Variants in AKAP9 observed in about 807,000 individuals in gnomAD.
The protein encoded by AKAP9 is A-kinase anchoring protein 9.
Under a neutral mutation model 488.5 loss-of-function variants are expected in AKAP9, and 311 were observed. The observed-to-expected ratio is 0.64, with a 90% CI of 0.58 to 0.70. The LOEUF (loss-of-function observed/expected upper bound fraction) is 0.70, where lower values mean the gene tolerates loss of function less well. AKAP9 is among the 30% of genes least tolerant of loss of function. The pLI is 0.00. For missense variants in AKAP9, 4,215 were observed against 4,374.5 expected (o/e 0.96, Z 1.03); for synonymous variants, 1,462 against 1,483.5 (o/e 0.99, Z 0.33).
At chr7:91,992,252 C>G in intron 4 of AKAP9, 41 bp downstream of exon 4, 1 of 1,434,232 alleles carries the variant, frequency 7.0e-7, no homozygotes, top group Non-Finnish European at 9.8e-7. Context: ...ATGTTGGATA[C>G]TATTTAAAAT....
intron 7 of AKAP9, among the ~76,000 whole-genome samples, chr7:91,996,541 G>A (rs1265832146): frequency 6.6e-6 from 1 of 152,052 alleles, no homozygotes; most frequent in Non-Finnish European, 1.5e-5. Flanking sequence ...CTCTCTATAA[G>A]GGATGAACAA....
chr7:92,018,867 A>C (rs1801920754), intron 12 of AKAP9, among the ~76,000 whole-genome samples: 1 of 152,154 alleles, frequency 6.6e-6, no homozygotes, highest in South Asian at 2.1e-4. Flanking sequence ...AGATATCTCT[A>C]CTCAAAAATC....
Position 92,080,122 on chromosome 7 carries a change from A to G in AKAP9, c.7989A>G (p.Lys2663=). The G allele has an allele frequency of 6.3e-7, 1 of 1,594,496 alleles. No individual in the cohort carries two copies. The highest frequency in any genetic ancestry group is 8.5e-7 in the Non-Finnish European group (1 of 1,176,038). The change falls in exon 31 of 50, where the codon AAA becomes AAG. Residue 2663 remains lysine (K), a synonymous_variant. Transcript: ENST00000356239. ...AAAAACAGAGAGAGAAAGAAAAGAA[A>G]AGAAGCCCTCAAGATGTTGAAGTTC... ...NEKKQREKEK[K]RSPQDVEVLK... is the part of the protein sequence containing the mutation.
chr7:92,110,269 C>T lies in AKAP9; in HGVS notation c.*110C>T. 4.6e-6 allele frequency: 4 copies of T among 878,162 alleles called. No homozygotes were observed. Among genetic ancestry groups the T allele is most frequent in the Non-Finnish European group, 7.4e-6 (4 of 542,048 alleles). The allele number at this position is 878,162 out of a possible 1,614,324, so 54.4% of individuals were successfully genotyped here. On this transcript the variant is annotated 3_prime_UTR_variant, in exon 50 of 50. Transcript: ENST00000356239. ...ATATTCAATGGGACCAATATGAACA[C>T]AGCTTATGATTGTATACAAATCCCT...
intron 22 of AKAP9, among the ~76,000 whole-genome samples, chr7:92,057,243 G>A (rs538958153): frequency 1.2e-3 from 187 of 152,166 alleles, no homozygotes; most frequent in Non-Finnish European, 1.9e-3. Flanking sequence ...TAAGGAAATA[G>A]CAAAAGTAAG....
At chr7:92,068,365 CAAAAA>C (rs77237109) in intron 26 of AKAP9, among the ~76,000 whole-genome samples, 14 of 46,530 alleles carry the variant, frequency 3.0e-4, no homozygotes, top group Non-Finnish European at 6.2e-4. Context: ...GACTCCGTCT[CAAAAA>C]AAAAAAAAAA....
intron 1 of AKAP9, among the ~76,000 whole-genome samples, chr7:91,963,765 G>A (rs916348747): frequency 3.9e-5 from 6 of 152,082 alleles, no homozygotes; most frequent in South Asian, 2.1e-4. Context: ...TGATCCGCCC[G>A]CCTCAGCCTC....
rs1798164607 is a variant in AKAP9, at chr7:91,994,606, AC to A, written c.577-14del. 1 of 1,605,040 alleles carries A rather than the reference AC, an allele frequency of 6.2e-7. No homozygotes were observed. The highest frequency in any genetic ancestry group is 1.7e-5 in the Admixed American group (1 of 59,376). The stretch of plus-strand genomic sequence containing the variant: ...ATTAAAAAAAATAAATCTAGCACTT[AC>A]TATTTTCTTTCAGTTACAAGAATTT... On this transcript the variant is annotated splice_polypyrimidine_tract_variant and intron_variant, in intron 5 of 49. Coordinates refer to ENST00000356239, the MANE Select transcript of AKAP9 (RefSeq NM_005751.5).
At chr7:92,097,918 G>C (rs1276490311) in intron 42 of AKAP9, 124 bp downstream of exon 42, 3 of 997,758 alleles carry the variant, frequency 3.0e-6, no homozygotes, top group South Asian at 2.7e-5. Flanking sequence ...GTTTACATTA[G>C]GAGGTGATAT....
At chr7:91,984,114 G>C (rs1313618863) in intron 3 of AKAP9, among the ~76,000 whole-genome samples, 1 of 152,102 alleles carries the variant, frequency 6.6e-6, no homozygotes, top group Non-Finnish European at 1.5e-5. Context: ...TTCTTTTGCT[G>C]TGCAGAAGCT....
intron 26 of AKAP9, among the ~76,000 whole-genome samples, chr7:92,068,365 CAAAAAAAAAAA>C (rs77237109): frequency 2.4e-4 from 11 of 46,530 alleles, no homozygotes; most frequent in African/African-American, 6.5e-4. Context: ...GACTCCGTCT[CAAAAAAAAAAA>C]AAAAAAAAAA....
chr7:92,054,077 T>C (rs1808390793), intron 22 of AKAP9, among the ~76,000 whole-genome samples: 1 of 152,196 alleles, frequency 6.6e-6, no homozygotes, highest in Non-Finnish European at 1.5e-5. Context: ...ATAATATTTT[T>C]CAGCATTGGG....
intron 14 of AKAP9, among the ~76,000 whole-genome samples, chr7:92,026,841 A>G (rs1341673973): frequency 3.4e-4 from 33 of 96,958 alleles, no homozygotes; most frequent in Middle Eastern, 0.01. Flanking sequence ...CCGTCTGGGA[A>G]GTGAGGAGTG....
intron 14 of AKAP9, among the ~76,000 whole-genome samples, chr7:92,028,587 C>T (rs1234343834): frequency 6.6e-6 from 1 of 152,066 alleles, no homozygotes; most frequent in Non-Finnish European, 1.5e-5. Context: ...CAGTTCACAG[C>T]AGGAAAAACC....
chr7:92,103,948 T>G (rs1343438970), intron 46 of AKAP9, among the ~76,000 whole-genome samples: 2 of 152,050 alleles, frequency 1.3e-5, no homozygotes, highest in Admixed American at 6.6e-5. Context: ...GTTCTTTCTC[T>G]AGTAATTCCA....
intron 16 of AKAP9, among the ~76,000 whole-genome samples, chr7:92,033,796 C>A (rs952798026): frequency 2.0e-5 from 3 of 152,172 alleles, no homozygotes; most frequent in African/African-American, 7.2e-5. Context: ...GTAGTGATTT[C>A]CAGTATATAT....
At chr7:91,976,298 T>G (rs1404234028) in intron 2 of AKAP9, among the ~76,000 whole-genome samples, 1 of 152,204 alleles carries the variant, frequency 6.6e-6, no homozygotes, top group Admixed American at 6.5e-5. Context: ...CATGGCTCAC[T>G]GCAGCCTCAA....
chr7:91,966,799 G>C (rs2130535879), intron 1 of AKAP9, among the ~76,000 whole-genome samples: 1 of 151,998 alleles, frequency 6.6e-6, no homozygotes, highest in East Asian at 1.9e-4. Flanking sequence ...TTTTTGCTTT[G>C]GCTGTTTGTG....
At chr7:92,084,617 T>C in intron 33 of AKAP9, 23 bp from the exon 34 acceptor site, 3 of 1,576,574 alleles carry the variant, frequency 1.9e-6, no homozygotes, top group Non-Finnish European at 2.6e-6. Flanking sequence ...AAAATATATG[T>C]ACTTTTTGTT....
Sources: gnomAD v4.1 joint callset for allele counts (sites outside exome capture counted in the v4.1 genomes callset) on GRCh38, gnomAD v4.1.1 for gene constraint, MANE v1.5 for transcripts, NCBI Gene and HGNC (gene_info 2026-07-23, HGNC 2026-07-21) for gene names.